The following DPY19L4 variants were observed in gnomAD, a reference collection of about 807,000 sequenced individuals.
DPY19L4 encodes dpy-19 like 4.
Under a neutral mutation model 102.8 loss-of-function variants are expected in DPY19L4, and 97 were observed. That is an observed-to-expected ratio of 0.94 (90% CI 0.80 to 1.12). The LOEUF is 1.12. Ranked by LOEUF, DPY19L4 falls within the 50% of genes most tolerant of loss-of-function variation. The probability of loss-of-function intolerance (pLI) is 0.00; values close to 1 mark genes in which losing one functional copy is unlikely to be tolerated. For missense variants in DPY19L4, 815 were observed against 850.4 expected (o/e 0.96, Z 0.52); for synonymous variants, 252 against 283.1 (o/e 0.89, Z 1.10).
intron 14 of DPY19L4, 72 bp downstream of exon 14, chr8:94,777,858 G>A (rs948337382): frequency 4.1e-6 from 6 of 1,472,116 alleles, no homozygotes. Context: ...AAACTACATT[G>A]AATACAATTG....
At chr8:94,730,745 C>CT (rs533095374) in intron 2 of DPY19L4, among the ~76,000 whole-genome samples, 1,782 of 116,202 alleles carry the variant, frequency 0.015, 72 homozygotes, top group African/African-American at 0.049. Context: ...AACTCTGTCT[C>CT]TTTTTTTTTT....
intron 2 of DPY19L4, among the ~76,000 whole-genome samples, chr8:94,731,158 G>T (rs1810937100): frequency 6.7e-6 from 1 of 150,338 alleles, no homozygotes; most frequent in Non-Finnish European, 1.5e-5. Context: ...GGATTAATTT[G>T]TCATTGTCTA....
intron 1 of DPY19L4, among the ~76,000 whole-genome samples, 185 bp from the exon 2 acceptor site, chr8:94,726,146 A>C (rs1810678796): frequency 6.6e-6 from 1 of 152,192 alleles, no homozygotes; most frequent in South Asian, 2.1e-4. Context: ...AGTGGAACTT[A>C]AATTGTCTTT....
rs759042489 is a variant in DPY19L4 at position 94,783,705 on chromosome 8, G to A, written c.1751G>A (p.Ser584Asn). ...CCAGTTGCAGCTGTGTTTGCAGGGA[G>A]TCCACAGTTAATGGGTGCGATTAAA... ...QAPVAAVFAG[S>N]PQLMGAIKLC... The change falls in exon 17 of 19, where the codon AGT becomes AAT. Residue 584 changes from serine (S) to asparagine (N), a missense_variant. Coordinates refer to ENST00000414645, the MANE Select transcript of DPY19L4 (RefSeq NM_181787.3). 5 of 1,614,128 alleles carry A rather than the reference G, an allele frequency of 3.1e-6. No individual in the cohort carries two copies. The East Asian group carries it at 1.1e-4, about 36-fold the overall frequency.
intron 2 of DPY19L4, among the ~76,000 whole-genome samples, chr8:94,729,557 C>T (rs1419281876): frequency 1.5e-5 from 2 of 131,866 alleles, no homozygotes; most frequent in Non-Finnish European, 3.1e-5. Flanking sequence ...CGAGAATGTG[C>T]CACTGCACTC....
At position 94,772,212 on chromosome 8, in the gene DPY19L4, A is replaced by G. The variant is rs142288731; in HGVS notation, c.1454+1641A>G. Among the ~76,000 whole-genome samples the G allele has an allele frequency of 4.9e-3, 747 of 152,260 alleles. 5 individuals carry two copies. Among genetic ancestry groups the G allele is most frequent in the Middle Eastern group, 0.027 (8 of 294 alleles). The stretch of plus-strand genomic sequence containing the variant: ...TACTCTTTTAGCAATAGTGGGAGAT[A>G]TAGCTATATACATGATAGGATCCCC... On this transcript the variant is annotated intron_variant, in intron 13 of 18. Transcript: ENST00000414645.
intron 13 of DPY19L4, among the ~76,000 whole-genome samples, chr8:94,773,895 C>T (rs1563610188): frequency 7.0e-6 from 1 of 142,334 alleles, no homozygotes; most frequent in African/African-American, 2.7e-5. Flanking sequence ...AAAAGCCAGG[C>T]ATGGTGGCAT....
In DPY19L4 at chr8:94,780,374, A is replaced by C. The variant is rs1044758360; in HGVS notation, c.1591A>C (p.Met531Leu). 1.3e-6 allele frequency: 2 copies of C among 1,487,518 alleles called. No homozygotes were observed. The highest frequency in any genetic ancestry group is 9.1e-7 in the Non-Finnish European group (1 of 1,104,098). 92.1% of individuals were successfully genotyped at this position (1,487,518 alleles called of 1,614,324 possible). ...AATATTTTAGGCTCTTATTCTGAGC[A>C]TGGCCGTGCCTACTATAATAGGTCT... is the stretch of plus-strand genomic sequence containing the variant. ...HPILLALILS[M>L]AVPTIIGLSL... The change falls in exon 15 of 19, where the codon ATG (methionine) becomes CTG (leucine). Residue 531 changes from methionine (M) to leucine (L), a missense_variant. Coordinates refer to ENST00000414645, the MANE Select transcript of DPY19L4 (RefSeq NM_181787.3).
At chr8:94,758,269 C>T (rs1275096868) in intron 7 of DPY19L4, among the ~76,000 whole-genome samples, 2 of 152,102 alleles carry the variant, frequency 1.3e-5, no homozygotes, top group Non-Finnish European at 2.9e-5. Context: ...CCCAGCTTCC[C>T]CCAGTAATAT....
At chr8:94,729,185 A>G (rs775869771) in intron 2 of DPY19L4, among the ~76,000 whole-genome samples, 1 of 152,046 alleles carries the variant, frequency 6.6e-6, no homozygotes, top group Non-Finnish European at 1.5e-5. Flanking sequence ...CCTGGCTAAC[A>G]TGGTGAAATC....
intron 2 of DPY19L4, among the ~76,000 whole-genome samples, chr8:94,728,836 A>G (rs1299798716): frequency 6.6e-6 from 1 of 152,194 alleles, no homozygotes; most frequent in Non-Finnish European, 1.5e-5. Flanking sequence ...AAGTGGGAAT[A>G]AAGAAGAAAA....
At chr8:94,759,335 C>A (rs143206261) in intron 7 of DPY19L4, among the ~76,000 whole-genome samples, 2 of 151,842 alleles carry the variant, frequency 1.3e-5, no homozygotes, top group Non-Finnish European at 2.9e-5. Flanking sequence ...TTTTACAGAG[C>A]GCTGATTGGT....
chr8:94,756,252 A>G (rs1586367205), intron 7 of DPY19L4, 93 bp downstream of exon 7: 7 of 1,490,946 alleles, frequency 4.7e-6, no homozygotes, highest in Non-Finnish European at 6.3e-6. Context: ...CCTAGTAAGA[A>G]TTAAATCATA....
intron 1 of DPY19L4, 80 bp from the exon 2 acceptor site, chr8:94,726,251 A>G (rs1810683909): frequency 8.5e-7 from 1 of 1,177,952 alleles, no homozygotes; most frequent in Non-Finnish European, 1.2e-6. Context: ...TTGCTTTAGA[A>G]TAATAAAGGT....
rs1296489616 is a variant in DPY19L4 at position 94,777,686 on chromosome 8, C to G, written c.1475C>G (p.Pro492Arg). The G allele has an allele frequency of 6.2e-7, 1 of 1,613,718 alleles. No homozygotes were observed. Among genetic ancestry groups the G allele is most frequent in the East Asian group, 2.2e-5 (1 of 44,850 alleles). The change falls in exon 14 of 19, where the codon CCT becomes CGT. Residue 492 changes from proline (P) to arginine (R), a missense_variant. Physicochemically the swap from Pro to Arg is moderately radical, Grantham distance 103. Transcript: ENST00000414645. The stretch of plus-strand genomic sequence containing the variant: ...TCTAGCTTGAAGTACATCTGGATTC[C>G]TTATGTGTGCATGTTAGCAGCATTT... ...VIEGLKYIWI[P>R]YVCMLAAFGV...
chr8:94,743,221 G>T (rs1242717611), intron 6 of DPY19L4, among the ~76,000 whole-genome samples: 2 of 151,382 alleles, frequency 1.3e-5, no homozygotes, highest in Non-Finnish European at 2.9e-5. Context: ...AGAGGTGGGG[G>T]TTTTGCCATG....
rs914294197 is a variant in DPY19L4 at position 94,793,149 on chromosome 8, G to A, written c.*3239G>A. ...TTTTTGTAGAACATTAACCCAGATTGCTAATAGCTTCATGTTACGGCATTC... is the reference window on the plus strand; with the variant it reads ...TTTTTGTAGAACATTAACCCAGATTACTAATAGCTTCATGTTACGGCATTC... On this transcript the variant is annotated 3_prime_UTR_variant, in exon 19 of 19. Transcript: ENST00000414645. 1 of 152,080 alleles carries A rather than the reference G, an allele frequency of 6.6e-6. No homozygotes were observed. The highest frequency in any genetic ancestry group is 1.5e-5 in the Non-Finnish European group (1 of 68,006). The allele number at this position is 152,080 out of a possible 1,614,324, so 9.4% of individuals were successfully genotyped here. A position where few individuals can be genotyped will look rare whatever the true frequency, so the allele number is the denominator to read the frequency against.
At chr8:94,761,232 C>T (rs1205817707) in intron 7 of DPY19L4, among the ~76,000 whole-genome samples, 1 of 152,082 alleles carries the variant, frequency 6.6e-6, no homozygotes, top group Non-Finnish European at 1.5e-5. Context: ...CAGCTACCAC[C>T]ACCAGGACTG....
rs753514894 is a variant in DPY19L4 at position 94,739,454 on chromosome 8, A to G, written c.385A>G (p.Lys129Glu). The change falls in exon 5 of 19, where the codon AAG (lysine) becomes GAG (glutamate). Residue 129 changes from lysine (K) to glutamate (E), a missense_variant. By Grantham distance (56) the Lys-to-Glu change is moderately conservative (BLOSUM62 1). Coordinates refer to ENST00000414645, the MANE Select transcript of DPY19L4 (RefSeq NM_181787.3). ...LTHNNKTVSLKTINAVQQMSL... is the reference protein window; with the variant it reads ...LTHNNKTVSLETINAVQQMSL... ...ACACAATAACAAAACTGTATCTCTG[A>G]AGACTATAAATGCAGTGCAGCAAAT... The G allele has an allele frequency of 6.2e-7, 1 of 1,601,282 alleles. No individual in the cohort carries two copies. Among genetic ancestry groups the G allele is most frequent in the Non-Finnish European group, 8.5e-7 (1 of 1,176,668 alleles).
Sources: allele counts gnomAD v4.1 joint callset (sites outside exome capture counted in the v4.1 genomes callset), GRCh38; gene constraint gnomAD v4.1.1; transcripts MANE v1.5; gene names NCBI Gene and HGNC (gene_info 2026-07-23, HGNC 2026-07-21).